The following ASAP1 variants were observed in gnomAD, a reference collection of about 807,000 sequenced individuals.
The protein encoded by ASAP1 is ArfGAP with SH3 domain, ankyrin repeat and PH domain 1.
ASAP1 carries 43 observed loss-of-function variants against 145.2 expected under a neutral mutation model. That is an observed-to-expected ratio of 0.30 (90% confidence interval 0.23 to 0.38). The LOEUF (loss-of-function observed/expected upper bound fraction) is 0.38, where lower values mean the gene tolerates loss of function less well. ASAP1 is among the 10% of genes least tolerant of loss of function. The pLI, the probability that ASAP1 is intolerant of heterozygous loss-of-function variation, is 1.00. For missense variants in ASAP1, 1,018 were observed against 1,355.3 expected, an observed-to-expected ratio of 0.75 and a Z score of 3.91; for synonymous variants, 546 against 515.5, an observed-to-expected ratio of 1.06 and a Z score of -0.80.
chr8:130,400,296 A>C (rs77926193), intron 2 of ASAP1, among the ~76,000 whole-genome samples: 1,586 of 152,208 alleles, frequency 0.01, 22 homozygotes, highest in African/African-American at 0.037. Flanking sequence ...AGACTCTACA[A>C]GTTTTCCCGG....
intron 5 of ASAP1, among the ~76,000 whole-genome samples, chr8:130,211,923 G>C (rs1586602844): frequency 6.6e-6 from 1 of 152,266 alleles, no homozygotes; most frequent in Admixed American, 6.5e-5. Flanking sequence ...GAGAAGTATG[G>C]GTTCCCACGG....
chr8:130,428,282 A>T (rs968682021), intron 1 of ASAP1, among the ~76,000 whole-genome samples: 1 of 151,500 alleles, frequency 6.6e-6, no homozygotes, highest in Non-Finnish European at 1.5e-5. Context: ...CACTGGAGGC[A>T]TGTCTAAAAT....
chr8:130,252,569 T>A (rs1368492113), intron 3 of ASAP1, among the ~76,000 whole-genome samples: 1 of 152,176 alleles, frequency 6.6e-6, no homozygotes, highest in Non-Finnish European at 1.5e-5. Flanking sequence ...CCTTGTGAAC[T>A]GTACATTTAA....
At chr8:130,116,452 C>T (rs1460777423) in intron 22 of ASAP1, among the ~76,000 whole-genome samples, 1 of 152,198 alleles carries the variant, frequency 6.6e-6, no homozygotes, top group African/African-American at 2.4e-5. Flanking sequence ...GGTAATAATA[C>T]TTGTGTAATG....
At chr8:130,235,315 T>G (rs1818149289) in intron 4 of ASAP1, among the ~76,000 whole-genome samples, 1 of 152,134 alleles carries the variant, frequency 6.6e-6, no homozygotes, top group Non-Finnish European at 1.5e-5. Flanking sequence ...TTTTTATTGG[T>G]ATATAATATA....
chr8:130,187,564 C>T (rs759938586), intron 6 of ASAP1, among the ~76,000 whole-genome samples: 1 of 152,000 alleles, frequency 6.6e-6, no homozygotes, highest in Non-Finnish European at 1.5e-5. Flanking sequence ...TACAGGCACT[C>T]ACCACCACCC....
intron 3 of ASAP1, among the ~76,000 whole-genome samples, chr8:130,322,786 TAACTA>T (rs1446448708): frequency 1.4e-4 from 22 of 152,104 alleles, no homozygotes; most frequent in Non-Finnish European, 3.2e-4. Flanking sequence ...CACATACGTA[TAACTA>T]ACAAAGGGCA....
intron 3 of ASAP1, among the ~76,000 whole-genome samples, chr8:130,354,590 T>C (rs1016696075): frequency 1.9e-4 from 29 of 152,198 alleles, no homozygotes; most frequent in Non-Finnish European, 8.8e-5. Context: ...CCTGCTCCCG[T>C]TTAGGGAAAA....
At chr8:130,406,601 C>G (rs191432718) in intron 1 of ASAP1, among the ~76,000 whole-genome samples, 1 of 152,034 alleles carries the variant, frequency 6.6e-6, no homozygotes, top group Non-Finnish European at 1.5e-5. Flanking sequence ...CCTGCCTCAG[C>G]CTCCCAAGTA....
At chr8:130,388,948 C>T (rs895587759) in intron 2 of ASAP1, among the ~76,000 whole-genome samples, 5 of 152,154 alleles carry the variant, frequency 3.3e-5, no homozygotes, top group Admixed American at 2.6e-4. Flanking sequence ...GCAATGTGGC[C>T]TTAAATAATT....
chr8:130,388,388 C>T (rs1828122503), intron 2 of ASAP1, among the ~76,000 whole-genome samples: 1 of 152,052 alleles, frequency 6.6e-6, no homozygotes, highest in East Asian at 1.9e-4. Context: ...GCATGAGCTG[C>T]AAGAGGAGTG....
At chr8:130,178,616 G>A (rs1814128455) in intron 9 of ASAP1, among the ~76,000 whole-genome samples, 2 of 152,212 alleles carry the variant, frequency 1.3e-5, no homozygotes. Context: ...ACTCCAGGTG[G>A]AAATACATGG....
intron 3 of ASAP1, among the ~76,000 whole-genome samples, chr8:130,265,257 T>C (rs546736650): frequency 1.3e-5 from 2 of 152,138 alleles, no homozygotes; most frequent in African/African-American, 4.8e-5. Flanking sequence ...CCCATCATAC[T>C]TTCCCCAAAA....
chr8:130,246,631 G>A (rs1388211368), intron 3 of ASAP1, among the ~76,000 whole-genome samples: 1 of 152,124 alleles, frequency 6.6e-6, no homozygotes, highest in Non-Finnish European at 1.5e-5. Context: ...CCAGCCACGC[G>A]GAACTGTGAG....
At chr8:130,174,319 C>A (rs951664567) in intron 9 of ASAP1, among the ~76,000 whole-genome samples, 14 of 152,154 alleles carry the variant, frequency 9.2e-5, no homozygotes, top group Non-Finnish European at 2.1e-4. Context: ...TGTGTGAGTT[C>A]TGACTACCTA....
intron 3 of ASAP1, among the ~76,000 whole-genome samples, chr8:130,320,684 AC>A (rs139392800): frequency 0.016 from 2,492 of 152,286 alleles, 72 homozygotes; most frequent in African/African-American, 0.056. Context: ...AGCTTTCCAC[AC>A]AACCAGGAAG....
At chr8:130,271,641 C>T (rs1820594320) in intron 3 of ASAP1, among the ~76,000 whole-genome samples, 1 of 152,126 alleles carries the variant, frequency 6.6e-6, no homozygotes, top group Non-Finnish European at 1.5e-5. Context: ...ATACAAGCCC[C>T]AAGGTTTTTT....
chr8:130,272,308 T>C lies in ASAP1; in HGVS notation c.187-35314A>G, dbSNP rs1376485674. On this transcript the variant is annotated intron_variant, in intron 3 of 29. Coordinates refer to ENST00000518721, the MANE Select transcript of ASAP1 (RefSeq NM_018482.4). ...ACATATCATCTTATCCCAGTTAGAA[T>C]GGCCATTAAAAACACCAAAACAAAC... is the stretch of plus-strand genomic sequence containing the variant. 2.6e-5 allele frequency among the ~76,000 whole-genome samples: 4 copies of C among 152,170 alleles called. No homozygotes were observed. The East Asian group carries it at 7.7e-4, about 29-fold the overall frequency.
At chr8:130,126,802 GCTT>G (rs1394718036) in intron 16 of ASAP1, among the ~76,000 whole-genome samples, 1 of 152,134 alleles carries the variant, frequency 6.6e-6, no homozygotes, top group Admixed American at 6.5e-5. Context: ...GGTGCTTATG[GCTT>G]CTTGTGTAGA....
Sources: gnomAD v4.1 joint callset for allele counts (sites outside exome capture counted in the v4.1 genomes callset) on GRCh38, gnomAD v4.1.1 for gene constraint, MANE v1.5 for transcripts, NCBI Gene and HGNC (gene_info 2026-07-23, HGNC 2026-07-21) for gene names.